RNASET2: variants seen among roughly 807,000 people sequenced by gnomAD.
The protein encoded by RNASET2 is ribonuclease 6.
In RNASET2, 28 loss-of-function variants were observed where a neutral mutation model predicts 33.9. That is an observed-to-expected ratio of 0.83 (90% CI 0.61 to 1.13). The LOEUF (loss-of-function observed/expected upper bound fraction) is 1.13. Among genes scored for constraint, RNASET2 ranks in the 50% most tolerant of loss-of-function variants. RNASET2 has a pLI of 0.00. For missense variants in RNASET2, 330 were observed against 319.9 expected, an observed-to-expected ratio of 1.03 and a Z score of -0.24; for synonymous variants, 123 against 121.0, an observed-to-expected ratio of 1.02 and a Z score of -0.11.
intron 2 of RNASET2, among the ~76,000 whole-genome samples, chr6:166,950,556 T>G (rs976804271): frequency 5.9e-5 from 9 of 152,222 alleles, no homozygotes; most frequent in African/African-American, 1.9e-4. Context: ...CCTGACAGAA[T>G]GTGGTGCTAG....
In RNASET2 at chr6:166,956,318, G is replaced by T; in HGVS notation, c.-136C>A. Reference sequence around the variant, plus strand: ...CCGCGCTCCCTCCGCTGCAGCAGCGGCCACCGGGTGCGCCCGGAGCCCTGG... The same window carrying T: ...CCGCGCTCCCTCCGCTGCAGCAGCGTCCACCGGGTGCGCCCGGAGCCCTGG... On this transcript the variant is annotated 5_prime_UTR_variant, in exon 1 of 9. Coordinates refer to ENST00000508775, the MANE Select transcript of RNASET2 (RefSeq NM_003730.6). The T allele has an allele frequency of 1.2e-6, 1 of 833,946 alleles. No homozygotes were observed. Among genetic ancestry groups the T allele is most frequent in the Non-Finnish European group, 2.0e-6 (1 of 510,426 alleles). The allele number at this position is 833,946 out of a possible 1,614,324, so 51.7% of individuals were successfully genotyped here.
intron 5 of RNASET2, among the ~76,000 whole-genome samples, chr6:166,942,070 T>TTTTTTTTTTTA (rs1778705426): frequency 1.3e-5 from 2 of 151,030 alleles, no homozygotes; most frequent in Admixed American, 1.3e-4. Flanking sequence ...TTTTTTTTTT[T>TTTTTTTTTTTA]GAGATGGAAT....
At chr6:166,955,217 A>ACACGCGCACACACGCACG (rs1779088597) in intron 1 of RNASET2, among the ~76,000 whole-genome samples, 1 of 88,636 alleles carries the variant, frequency 1.1e-5, no homozygotes, top group East Asian at 4.2e-4. Context: ...ACGCACGCAC[A>ACACGCGCACACACGCACG]CACGCGCACA....
Position 166,926,533 on chromosome 6 carries a change from CAAA to C in RNASET2, c.*3052_*3054del, listed in dbSNP as rs11388348. 3.9e-5 allele frequency among the ~76,000 whole-genome samples: 5 copies of C among 128,310 alleles called. No homozygotes were observed. The highest frequency in any genetic ancestry group is 4.9e-5 in the Non-Finnish European group (3 of 61,844). The allele number at this position is 128,310 out of a possible 152,430, so 84.2% of individuals were successfully genotyped here. On this transcript the variant is annotated 3_prime_UTR_variant, in exon 9 of 9. Transcript: ENST00000508775. ...TGGGCGACAGAGTGAGACTCAGTCT[CAAA>C]AAAAAAAAAAAAGAAAAGAAAAGAA...
intron 1 of RNASET2, chr6:166,953,090 A>C (rs1779027591): frequency 9.7e-6 from 2 of 205,150 alleles, no homozygotes; most frequent in Non-Finnish European, 2.0e-5. Context: ...ATTTGATTTT[A>C]GGGTGCTACT....
At chr6:166,947,066 A>ACG (rs1204375897) in intron 3 of RNASET2, among the ~76,000 whole-genome samples, 1 of 152,030 alleles carries the variant, frequency 6.6e-6, no homozygotes, top group Non-Finnish European at 1.5e-5. Flanking sequence ...GGCTGGGTTG[A>ACG]CGGCAACCTC....
intron 2 of RNASET2, among the ~76,000 whole-genome samples, chr6:166,951,311 G>A (rs1204423619): frequency 6.6e-6 from 1 of 152,270 alleles, no homozygotes; most frequent in Non-Finnish European, 1.5e-5. Context: ...AAACAGCAGT[G>A]TGACTGCTGA....
chr6:166,941,850 T>C (rs1778699682), intron 5 of RNASET2, among the ~76,000 whole-genome samples: 1 of 152,226 alleles, frequency 6.6e-6, no homozygotes, highest in Non-Finnish European at 1.5e-5. Context: ...AATATAATGT[T>C]AATACAAGGA....
At chr6:166,942,937 A>G in intron 5 of RNASET2, 82 bp downstream of exon 5, 1 of 1,110,330 alleles carries the variant, frequency 9.0e-7, no homozygotes, top group Non-Finnish European at 1.4e-6. Context: ...CTTCCCACAC[A>G]GTTTCCACTT....
At chr6:166,930,993 T>C in intron 8 of RNASET2, 51 bp downstream of exon 8, 2 of 1,287,158 alleles carry the variant, frequency 1.6e-6, no homozygotes, top group Non-Finnish European at 2.3e-6. Flanking sequence ...ATCAGAAAAG[T>C]AGAACCTGTC....
Position 166,924,080 on chromosome 6 carries a change from G to A in RNASET2, c.*5508C>T, listed in dbSNP as rs541709746. 3.3e-5 allele frequency among the ~76,000 whole-genome samples: 5 copies of A among 152,280 alleles called. No individual in the cohort carries two copies. In the South Asian group the frequency reaches 1.0e-3, roughly 32 times the overall value. On this transcript the variant is annotated 3_prime_UTR_variant, in exon 9 of 9. Coordinates refer to ENST00000508775, the MANE Select transcript of RNASET2 (RefSeq NM_003730.6). ...AAGCCAACAGCAGGCACCTTCCACTGGGACCAGTGCTGCATTCTCTTTTTT... is the reference window on the plus strand; with the variant it reads ...AAGCCAACAGCAGGCACCTTCCACTAGGACCAGTGCTGCATTCTCTTTTTT...
chr6:166,926,156 A>T lies in RNASET2; in HGVS notation c.*3432T>A, dbSNP rs1214479311. On this transcript the variant is annotated 3_prime_UTR_variant, in exon 9 of 9. Coordinates refer to ENST00000508775, the MANE Select transcript of RNASET2 (RefSeq NM_003730.6). ...CAATTTAGGCAAAATTTTTTTAAAA[A>T]GTTTCCAGTTCACTTTGAGGTTTCT... 6.6e-6 allele frequency among the ~76,000 whole-genome samples: 1 copy of T among 152,186 alleles called. No homozygotes were observed. Among genetic ancestry groups the T allele is most frequent in the Non-Finnish European group, 1.5e-5 (1 of 68,026 alleles).
chr6:166,930,629 G>A (rs1778403663), intron 8 of RNASET2, among the ~76,000 whole-genome samples: 1 of 142,440 alleles, frequency 7.0e-6, no homozygotes, highest in Non-Finnish European at 1.5e-5. Flanking sequence ...CACAGCACAT[G>A]CCCACATAAT....
At chr6:166,932,891 T>C (rs1778481623) in intron 7 of RNASET2, 1 of 152,224 alleles carries the variant, frequency 6.6e-6, no homozygotes, top group Non-Finnish European at 1.5e-5. Flanking sequence ...GCGATCATCT[T>C]ACGGCTTCCT....
At position 166,931,037 on chromosome 6, in the gene RNASET2, GTCT is replaced by G. The variant is rs1421821618; in HGVS notation, c.567+4_567+6del. 1 of 1,601,362 alleles carries G rather than the reference GTCT, an allele frequency of 6.2e-7. No individual in the cohort carries two copies. Among genetic ancestry groups the G allele is most frequent in the Non-Finnish European group, 8.6e-7 (1 of 1,168,386 alleles). On this transcript the variant is annotated splice_donor_5th_base_variant and intron_variant, in intron 8 of 8. Coordinates refer to ENST00000508775, the MANE Select transcript of RNASET2 (RefSeq NM_003730.6). ...AAAAAAAGGAAGACAAAACATAACTGTCTAACCTGGCTTGGTGGAAGGCACTGG... is the reference window on the plus strand; with the variant it reads ...AAAAAAAGGAAGACAAAACATAACTGAACCTGGCTTGGTGGAAGGCACTGG...
intron 5 of RNASET2, among the ~76,000 whole-genome samples, chr6:166,941,059 G>T (rs764344615): frequency 6.6e-6 from 1 of 152,138 alleles, no homozygotes; most frequent in Non-Finnish European, 1.5e-5. Flanking sequence ...CACAGGACTG[G>T]GTGACACAGC....
At chr6:166,939,569 T>C (rs1778649159) in intron 5 of RNASET2, among the ~76,000 whole-genome samples, 1 of 152,154 alleles carries the variant, frequency 6.6e-6, no homozygotes, top group Non-Finnish European at 1.5e-5. Context: ...AAAAAGAACA[T>C]GCTGCTGCCC....
At position 166,931,031 on chromosome 6, in the gene RNASET2, A is replaced by G. The variant is rs1562493216; in HGVS notation, c.567+13T>C. ...CTTGAGAAAAAAAGGAAGACAAAACATAACTGTCTAACCTGGCTTGGTGGA... is the reference window on the plus strand; with the variant it reads ...CTTGAGAAAAAAAGGAAGACAAAACGTAACTGTCTAACCTGGCTTGGTGGA... On this transcript the variant is annotated intron_variant, in intron 8 of 8. Transcript: ENST00000508775. 3.1e-6 allele frequency: 5 copies of G among 1,593,088 alleles called. No individual in the cohort carries two copies. Among genetic ancestry groups the G allele is most frequent in the Middle Eastern group, 1.7e-4 (1 of 6,038 alleles).
Position 166,952,445 on chromosome 6 carries a change from G to T in RNASET2, c.147+43C>A, listed in dbSNP as rs1423773442. ...ACGTGCACACAAACCCCTCTTCACA[G>T]GGCTCCCCAGGCCCCAGGGCCCGTC... is the stretch of plus-strand genomic sequence containing the variant. On this transcript the variant is annotated intron_variant, in intron 2 of 8. Coordinates refer to ENST00000508775, the MANE Select transcript of RNASET2 (RefSeq NM_003730.6). 5 of 1,570,176 alleles carry T rather than the reference G, an allele frequency of 3.2e-6. 1 individual carries two copies. The South Asian group carries it at 5.5e-5, about 17-fold the overall frequency.
Sources: gnomAD v4.1 joint callset for allele counts (sites outside exome capture counted in the v4.1 genomes callset) on GRCh38, gnomAD v4.1.1 for gene constraint, MANE v1.5 for transcripts, NCBI Gene and HGNC (gene_info 2026-07-23, HGNC 2026-07-21) for gene names.